CACNB2: variants seen among roughly 807,000 people sequenced by gnomAD.
CACNB2 encodes the protein voltage-dependent L-type calcium channel subunit beta-2.
A neutral mutation model predicts 73.3 loss-of-function variants in CACNB2; 42 were observed. That is an observed-to-expected ratio of 0.57 (90% CI 0.45 to 0.74). The LOEUF is 0.74. Ranked by LOEUF, CACNB2 falls within the 30% of genes least tolerant of loss-of-function variation. CACNB2 has a pLI of 0.00. For synonymous variants in CACNB2, 348 were observed against 310.3 expected, an observed-to-expected ratio of 1.12 and a Z score of -1.28; for missense variants, 940 against 853.0, an observed-to-expected ratio of 1.10 and a Z score of -1.27.
intron 2 of CACNB2, among the ~76,000 whole-genome samples, chr10:18,351,166 T>G (rs538097293): frequency 6.6e-6 from 1 of 152,182 alleles, no homozygotes; most frequent in Non-Finnish European, 1.5e-5. Flanking sequence ...TTTTTTTTCT[T>G]TTTTGCTAAA....
intron 2 of CACNB2, among the ~76,000 whole-genome samples, chr10:18,379,844 G>T (rs1430732192): frequency 6.6e-6 from 1 of 151,914 alleles, no homozygotes; most frequent in Admixed American, 6.6e-5. Flanking sequence ...GCACCACCTC[G>T]CCTGGCTAAT....
intron 6 of CACNB2, among the ~76,000 whole-genome samples, chr10:18,511,962 T>A (rs985554704): frequency 2.6e-5 from 4 of 152,220 alleles, no homozygotes; most frequent in Admixed American, 6.5e-5. Flanking sequence ...TTGAGTTTTT[T>A]AATCTTAAAA....
intron 2 of CACNB2, among the ~76,000 whole-genome samples, chr10:18,385,374 C>CT: frequency 2.0e-5 from 1 of 49,066 alleles, no homozygotes; most frequent in Non-Finnish European, 4.2e-5. Context: ...ACCCCCCCCC[C>CT]TCGCCCCCCA....
At chr10:18,392,034 T>C (rs2148184) in intron 2 of CACNB2, among the ~76,000 whole-genome samples, 14,865 of 150,146 alleles carry the variant, frequency 0.099, 995 homozygotes, top group Admixed American at 0.16. Context: ...CAATTTGAAA[T>C]AGGATGGTTG....
chr10:18,146,815 G>T (rs112400268), intron 1 of CACNB2, among the ~76,000 whole-genome samples: 1 of 152,076 alleles, frequency 6.6e-6, no homozygotes, highest in South Asian at 2.1e-4. Context: ...TAGAAACAGG[G>T]TTTCGCCATG....
intron 2 of CACNB2, among the ~76,000 whole-genome samples, chr10:18,193,130 G>A (rs1447289435): frequency 1.3e-5 from 2 of 152,048 alleles, no homozygotes; most frequent in African/African-American, 4.8e-5. Context: ...ATCAAATCAG[G>A]GTAATTAGCA....
At chr10:18,530,069 A>T (rs149866079) in intron 10 of CACNB2, among the ~76,000 whole-genome samples, 118 of 152,226 alleles carry the variant, frequency 7.8e-4, no homozygotes, top group African/African-American at 2.8e-3. Flanking sequence ...CTCATTCACT[A>T]TCAGGAGAAC....
chr10:18,179,815 C>G (rs374298297), intron 2 of CACNB2, among the ~76,000 whole-genome samples: 3 of 152,158 alleles, frequency 2.0e-5, no homozygotes, highest in African/African-American at 7.2e-5. Flanking sequence ...GTCACTCAAA[C>G]TAAATTTCCT....
intron 2 of CACNB2, among the ~76,000 whole-genome samples, chr10:18,259,968 C>T (rs2037463982): frequency 6.6e-6 from 1 of 152,002 alleles, no homozygotes; most frequent in Non-Finnish European, 1.5e-5. Context: ...TTTATTTTTC[C>T]AGGAGCCTAA....
intron 2 of CACNB2, among the ~76,000 whole-genome samples, chr10:18,223,076 T>A (rs1350181849): frequency 6.6e-6 from 1 of 152,172 alleles, no homozygotes; most frequent in Non-Finnish European, 1.5e-5. Flanking sequence ...GGCTTTCTGG[T>A]TTGCTGTCAG....
intron 2 of CACNB2, among the ~76,000 whole-genome samples, chr10:18,250,344 C>T (rs539619172): frequency 7.9e-5 from 12 of 152,336 alleles, no homozygotes; most frequent in Admixed American, 2.0e-4. Context: ...GGCCACTCAA[C>T]GGGCTTCATC....
chr10:18,503,883 G>A (rs2133058276), intron 5 of CACNB2, among the ~76,000 whole-genome samples: 1 of 152,154 alleles, frequency 6.6e-6, no homozygotes. Context: ...AATCTCTGGT[G>A]GAATGGGAAT....
chr10:18,294,300 C>G (rs2039187443), intron 2 of CACNB2, among the ~76,000 whole-genome samples: 1 of 151,778 alleles, frequency 6.6e-6, no homozygotes. Flanking sequence ...GACAGTGTAG[C>G]TCTCTGTGCA....
chr10:18,255,237 C>T (rs972366261), intron 2 of CACNB2, among the ~76,000 whole-genome samples: 1 of 152,126 alleles, frequency 6.6e-6, no homozygotes, highest in Middle Eastern at 3.4e-3. Flanking sequence ...ACCTCATCTT[C>T]TCCTCCCTCT....
chr10:18,162,932 G>A (rs566231622), intron 2 of CACNB2, among the ~76,000 whole-genome samples: 3 of 152,098 alleles, frequency 2.0e-5, no homozygotes, highest in Non-Finnish European at 2.9e-5. Context: ...GGTAAATACC[G>A]GTAGGCTCAG....
intron 6 of CACNB2, among the ~76,000 whole-genome samples, chr10:18,511,287 A>T (rs1429265624): frequency 1.3e-5 from 2 of 152,196 alleles, no homozygotes; most frequent in African/African-American, 4.8e-5. Flanking sequence ...ATTATTTGTA[A>T]TAGTGTACAA....
Position 18,536,203 on chromosome 10 carries a change from T to C in CACNB2, c.1302+7T>C, listed in dbSNP as rs762745373. The stretch of plus-strand genomic sequence containing the variant: ...ACTGGCTCAGTGTCCTCCAGTAAGT[T>C]ATCTCTATATACAGCATAATCCAGT... On this transcript the variant is annotated splice_region_variant and intron_variant, in intron 12 of 13. Coordinates refer to ENST00000324631, the MANE Select transcript of CACNB2 (RefSeq NM_201596.3). 1 of 1,363,136 alleles carries C rather than the reference T, an allele frequency of 7.3e-7. No homozygotes were observed. The highest frequency in any genetic ancestry group is 1.0e-6 in the Non-Finnish European group (1 of 959,684). The allele number at this position is 1,363,136 out of a possible 1,614,324, so 84.4% of individuals were successfully genotyped here.
intron 2 of CACNB2, among the ~76,000 whole-genome samples, chr10:18,284,807 A>T (rs2038714650): frequency 6.6e-6 from 1 of 152,184 alleles, no homozygotes; most frequent in African/African-American, 2.4e-5. Context: ...AAAACAAAAA[A>T]ATATATAGAA....
At chr10:18,458,758 G>C (rs1384050830) in intron 3 of CACNB2, among the ~76,000 whole-genome samples, 2 of 147,450 alleles carry the variant, frequency 1.4e-5, no homozygotes, top group Non-Finnish European at 3.0e-5. Context: ...AAAAAGTAAG[G>C]TGAACTTTTT....
Sources: gnomAD v4.1 joint callset for allele counts (sites outside exome capture counted in the v4.1 genomes callset) on GRCh38, gnomAD v4.1.1 for gene constraint, MANE v1.5 for transcripts, NCBI Gene and HGNC (gene_info 2026-07-23, HGNC 2026-07-21) for gene names.